The following MYT1L variants were observed in gnomAD, a reference collection of about 807,000 sequenced individuals.
The protein encoded by MYT1L is myelin transcription factor 1 like.
A neutral mutation model predicts 126.7 loss-of-function variants in MYT1L; 12 were observed. That is an observed-to-expected ratio of 0.09 (90% CI 0.06 to 0.15). MYT1L has a LOEUF of 0.15. Ranked by LOEUF, MYT1L falls within the 10% of genes least tolerant of loss-of-function variation. MYT1L has a pLI of 1.00. For synonymous variants in MYT1L, 541 were observed against 604.2 expected, an observed-to-expected ratio of 0.90 and a Z score of 1.53; for missense variants, 979 against 1,585.2, an observed-to-expected ratio of 0.62 and a Z score of 6.49.
intron 3 of MYT1L, among the ~76,000 whole-genome samples, chr2:2,054,611 A>T (rs376944754): frequency 3.4e-4 from 52 of 152,212 alleles, no homozygotes; most frequent in African/African-American, 1.0e-3. Context: ...ACAAGAGATG[A>T]TAAGACACAT....
chr2:2,328,119 GATT>G (rs1019150761), intron 1 of MYT1L, among the ~76,000 whole-genome samples: 1 of 152,100 alleles, frequency 6.6e-6, no homozygotes, highest in African/African-American at 2.4e-5. Context: ...CAAATAATCA[GATT>G]ATTAACTCAA....
chr2:1,909,755 T>C (rs1052234384), intron 13 of MYT1L, among the ~76,000 whole-genome samples: 1 of 152,104 alleles, frequency 6.6e-6, no homozygotes, highest in East Asian at 1.9e-4. Context: ...CTCAGGGCAT[T>C]GGGCGTAACA....
chr2:2,005,529 G>GTGTTCTTTCCT (rs1553408125), intron 4 of MYT1L, among the ~76,000 whole-genome samples: 1 of 7,442 alleles, frequency 1.3e-4, no homozygotes, highest in African/African-American at 5.6e-4. Context: ...CTTTCCTGCA[G>GTGTTCTTTCCT]GCATTCTTTC....
chr2:1,885,779 C>G (rs2048096478), intron 18 of MYT1L, among the ~76,000 whole-genome samples: 1 of 152,188 alleles, frequency 6.6e-6, no homozygotes, highest in Non-Finnish European at 1.5e-5. Context: ...ACCCTCTTTC[C>G]CTGTGTGCAC....
At chr2:2,164,968 T>C (rs948467518) in intron 3 of MYT1L, among the ~76,000 whole-genome samples, 1 of 152,112 alleles carries the variant, frequency 6.6e-6, no homozygotes, top group African/African-American at 2.4e-5. Context: ...AATAAACACT[T>C]TGGCTTAGAA....
intron 15 of MYT1L, among the ~76,000 whole-genome samples, chr2:1,890,218 C>T (rs753660463): frequency 3.3e-5 from 5 of 152,016 alleles, no homozygotes; most frequent in Non-Finnish European, 7.4e-5. Flanking sequence ...TGCAGGTTTG[C>T]ACCACCATGC....
intron 1 of MYT1L, among the ~76,000 whole-genome samples, chr2:2,290,276 A>G (rs1259972658): frequency 6.6e-6 from 1 of 152,206 alleles, no homozygotes; most frequent in African/African-American, 2.4e-5. Flanking sequence ...GAGCTGGGGA[A>G]GGCCCAGAGC....
chr2:2,286,649 T>C (rs1303102599), intron 1 of MYT1L, among the ~76,000 whole-genome samples: 2 of 152,196 alleles, frequency 1.3e-5, no homozygotes, highest in Non-Finnish European at 2.9e-5. Context: ...CAATAATAAA[T>C]GGTCTAATGG....
chr2:2,226,450 C>T (rs984273808), intron 2 of MYT1L, among the ~76,000 whole-genome samples: 8 of 152,144 alleles, frequency 5.3e-5, no homozygotes, highest in African/African-American at 9.7e-5. Context: ...GAGTCATGGC[C>T]GTGGACACCG....
At chr2:1,868,914 G>A (rs576692271) in intron 18 of MYT1L, among the ~76,000 whole-genome samples, 5 of 152,332 alleles carry the variant, frequency 3.3e-5, no homozygotes, top group South Asian at 2.1e-4. Flanking sequence ...GTGGGCTCCC[G>A]GGAGAGGGGA....
At chr2:1,984,452 C>T (rs1371987601) in intron 5 of MYT1L, among the ~76,000 whole-genome samples, 3 of 151,520 alleles carry the variant, frequency 2.0e-5, no homozygotes. Flanking sequence ...CTGCCTCTGC[C>T]TTCCAAAGTT....
At chr2:2,169,359 C>G (rs753632011) in intron 3 of MYT1L, among the ~76,000 whole-genome samples, 8 of 152,100 alleles carry the variant, frequency 5.3e-5, no homozygotes, top group Non-Finnish European at 8.8e-5. Context: ...ACAATACTAC[C>G]TTAAAGATAC....
intron 3 of MYT1L, among the ~76,000 whole-genome samples, chr2:2,148,336 C>T (rs889760945): frequency 2.6e-5 from 4 of 152,174 alleles, no homozygotes; most frequent in African/African-American, 9.7e-5. Context: ...AGCACACAAC[C>T]TAGATCCCTC....
intron 4 of MYT1L, among the ~76,000 whole-genome samples, chr2:2,009,891 G>A (rs2063658691): frequency 7.6e-6 from 1 of 132,446 alleles, no homozygotes; most frequent in Non-Finnish European, 1.6e-5. Flanking sequence ...TACCTAAACT[G>A]TTAAGAGTTT....
intron 5 of MYT1L, among the ~76,000 whole-genome samples, chr2:1,985,205 A>G (rs902347049): frequency 2.0e-5 from 3 of 152,316 alleles, no homozygotes; most frequent in East Asian, 1.9e-4. Context: ...CTGCTGCTCA[A>G]TTCGCTTGGT....
In MYT1L at chr2:2,185,694, C is replaced by T. The variant is rs545173784; in HGVS notation, c.-420-12706G>A. ...TTACGTGAGGGGGACGCAGCCGGGC[C>T]TTCCGGGCCTTCCCGAGTCCCGCGT... On this transcript the variant is annotated intron_variant, in intron 2 of 24. Transcript: ENST00000647738. Among the ~76,000 whole-genome samples, 94 of 140,016 alleles carry T rather than the reference C, an allele frequency of 6.7e-4. 3 individuals are homozygous for T. Among genetic ancestry groups the T allele is most frequent in the African/African-American group, 2.3e-3 (84 of 35,844 alleles). The allele number at this position is 140,016 out of a possible 152,430, so 91.9% of individuals were successfully genotyped here. A position where few individuals can be genotyped will look rare whatever the true frequency, so the allele number is the denominator to read the frequency against.
chr2:2,034,219 A>C (rs2066750998), intron 4 of MYT1L, among the ~76,000 whole-genome samples: 1 of 152,192 alleles, frequency 6.6e-6, no homozygotes, highest in Non-Finnish European at 1.5e-5. Context: ...AGTTATGTCC[A>C]GCCGACTCGG....
At chr2:1,983,258 C>T (rs79427839) in intron 5 of MYT1L, among the ~76,000 whole-genome samples, 2,842 of 152,242 alleles carry the variant, frequency 0.019, 36 homozygotes, top group South Asian at 0.05. Flanking sequence ...AGGGCCTTTG[C>T]TATGAGCATT....
intron 1 of MYT1L, among the ~76,000 whole-genome samples, chr2:2,286,809 C>A (rs1363334706): frequency 1.3e-5 from 2 of 152,184 alleles, no homozygotes; most frequent in African/African-American, 4.8e-5. Context: ...TCCCCACCCA[C>A]CTGCACTTGA....
Sources: gnomAD v4.1 joint callset for allele counts (sites outside exome capture counted in the v4.1 genomes callset) on GRCh38, gnomAD v4.1.1 for gene constraint, MANE v1.5 for transcripts, NCBI Gene and HGNC (gene_info 2026-07-23, HGNC 2026-07-21) for gene names.